PPFIA2: variants seen among roughly 807,000 people sequenced by gnomAD.
PPFIA2 encodes the protein PPFI scaffold protein A2.
A neutral mutation model predicts 175.5 loss-of-function variants in PPFIA2; 46 were observed. The observed-to-expected ratio is 0.26, with a 90% CI of 0.21 to 0.34. The LOEUF (loss-of-function observed/expected upper bound fraction) is 0.34. PPFIA2 is among the 10% of genes least tolerant of loss of function. The probability of loss-of-function intolerance (pLI) is 1.00; values close to 1 mark genes in which losing one functional copy is unlikely to be tolerated. For synonymous variants in PPFIA2, 568 were observed against 511.4 expected (o/e 1.11, Z -1.49); for missense variants, 1,179 against 1,506.1 (o/e 0.78, Z 3.60).
intron 22 of PPFIA2, chr12:81,302,296 G>C (rs1206032999): frequency 3.6e-6 from 1 of 281,674 alleles, no homozygotes; most frequent in African/African-American, 2.3e-5. Context: ...GATTCTAGCT[G>C]ATCCCAAGAG....
chr12:81,281,463 T>A lies in PPFIA2; in HGVS notation c.3019-13A>T. 1 of 1,559,902 alleles carries A rather than the reference T, an allele frequency of 6.4e-7. No homozygotes were observed. The highest frequency in any genetic ancestry group is 8.8e-7 in the Non-Finnish European group (1 of 1,139,644). Reference sequence around the variant, plus strand: ...GAAAAACCGGACACTAGAATTGTTTTATAGCAGTCAAGTTTCTTAACCAAT... The same window carrying A: ...GAAAAACCGGACACTAGAATTGTTTAATAGCAGTCAAGTTTCTTAACCAAT... On this transcript the variant is annotated splice_polypyrimidine_tract_variant and intron_variant, in intron 26 of 32. Transcript: ENST00000549396.
At chr12:81,637,489 T>C (rs1197367613) in intron 4 of PPFIA2, among the ~76,000 whole-genome samples, 2 of 152,014 alleles carry the variant, frequency 1.3e-5, no homozygotes, top group African/African-American at 4.8e-5. Context: ...GATTCTTCCA[T>C]ACCTAACTCA....
At chr12:81,614,264 G>GA (rs1416324892) in intron 4 of PPFIA2, among the ~76,000 whole-genome samples, 1 of 152,054 alleles carries the variant, frequency 6.6e-6, no homozygotes, top group African/African-American at 2.4e-5. Context: ...CTAAAAAACA[G>GA]AAAGCAGATG....
At chr12:81,341,404 C>T (rs563831776) in intron 19 of PPFIA2, among the ~76,000 whole-genome samples, 196 bp from the exon 20 acceptor site, 1 of 150,968 alleles carries the variant, frequency 6.6e-6, no homozygotes, top group East Asian at 2.0e-4. Flanking sequence ...AAATTGGACA[C>T]ATTAAAATTA....
rs1378306610 is a variant in PPFIA2, at chr12:81,353,161, A to C, written c.1952T>G (p.Met651Arg). ...GGCATCCAATTGTTCCTGAAGCATC[A>C]TGGCTAGCGTCTGGGCATCGGAATG... ...SGHSDAQTLA[M>R]MLQEQLDAIN... Residue 651 changes from methionine to arginine, a missense_variant, in exon 17 of 33, where the codon ATG becomes AGG. Coordinates refer to ENST00000549396, the MANE Select transcript of PPFIA2 (RefSeq NM_003625.5). The C allele has an allele frequency of 1.2e-6, 2 of 1,613,762 alleles. No homozygotes were observed. The highest frequency in any genetic ancestry group is 2.7e-5 in the African/African-American group (2 of 74,942).
chr12:81,327,014 A>C (rs1324072769), intron 21 of PPFIA2, among the ~76,000 whole-genome samples: 1 of 152,098 alleles, frequency 6.6e-6, no homozygotes, highest in Non-Finnish European at 1.5e-5. Context: ...CTCTTTAGCA[A>C]AGTAAAATAT....
intron 28 of PPFIA2, among the ~76,000 whole-genome samples, chr12:81,269,175 G>T (rs2038328920): frequency 1.3e-5 from 2 of 151,692 alleles, no homozygotes; most frequent in East Asian, 3.9e-4. Context: ...CCCATTAAAA[G>T]TTGACAGAAT....
chr12:81,560,331 C>G (rs2069785893), intron 4 of PPFIA2, among the ~76,000 whole-genome samples: 1 of 151,658 alleles, frequency 6.6e-6, no homozygotes, highest in African/African-American at 2.4e-5. Context: ...AGAGAAAGAA[C>G]AAATCCTAAT....
intron 3 of PPFIA2, among the ~76,000 whole-genome samples, chr12:81,729,644 G>A (rs1260642975): frequency 6.6e-6 from 1 of 151,496 alleles, no homozygotes; most frequent in Non-Finnish European, 1.5e-5. Context: ...TAAGGTTACG[G>A]AATTTAAAAT....
intron 6 of PPFIA2, among the ~76,000 whole-genome samples, chr12:81,444,563 A>C (rs1179838950): frequency 6.6e-6 from 1 of 152,156 alleles, no homozygotes; most frequent in Non-Finnish European, 1.5e-5. Flanking sequence ...CTAAAATAAA[A>C]ATGAGATACA....
intron 4 of PPFIA2, chr12:81,535,593 G>A (rs2065256811): frequency 2.7e-6 from 1 of 374,230 alleles, no homozygotes; most frequent in Non-Finnish European, 5.3e-6. Context: ...GGCAAGGGAG[G>A]AAGGAAAAAA....
chr12:81,619,814 A>C (rs1377656478), intron 4 of PPFIA2, among the ~76,000 whole-genome samples: 1 of 152,154 alleles, frequency 6.6e-6, no homozygotes, highest in Admixed American at 6.5e-5. Context: ...CACGATACTA[A>C]ATATTCACAA....
intron 3 of PPFIA2, among the ~76,000 whole-genome samples, chr12:81,744,532 C>A (rs2082786802): frequency 6.6e-6 from 1 of 151,418 alleles, no homozygotes. Flanking sequence ...AAGCGATTCT[C>A]CTGCTTCAGT....
At chr12:81,416,975 A>G in intron 7 of PPFIA2, among the ~76,000 whole-genome samples, 1 of 151,922 alleles carries the variant, frequency 6.6e-6, no homozygotes, top group Middle Eastern at 3.4e-3. Context: ...ATTTTTAAAT[A>G]AAATGAAATG....
chr12:81,571,879 A>G (rs2072612219), intron 4 of PPFIA2, among the ~76,000 whole-genome samples: 1 of 152,110 alleles, frequency 6.6e-6, no homozygotes, highest in South Asian at 2.1e-4. Flanking sequence ...AATAAAAGAG[A>G]AATCCAGTGT....
At chr12:81,577,500 A>G (rs1307712996) in intron 4 of PPFIA2, among the ~76,000 whole-genome samples, 2 of 151,946 alleles carry the variant, frequency 1.3e-5, no homozygotes, top group East Asian at 3.9e-4. Flanking sequence ...AAACAATTCA[A>G]AGAAGAGGAG....
intron 4 of PPFIA2, chr12:81,598,269 G>GT (rs1367417318): frequency 3.2e-6 from 4 of 1,257,102 alleles, no homozygotes; most frequent in Non-Finnish European, 4.0e-6. Context: ...AACATACAAT[G>GT]TTTTTTAAAA....
At chr12:81,442,848 C>CATATATATATATAT (rs35192542) in intron 6 of PPFIA2, among the ~76,000 whole-genome samples, 1 of 14,096 alleles carries the variant, frequency 7.1e-5, no homozygotes, top group South Asian at 2.7e-3. Flanking sequence ...TTTCTGACTT[C>CATATATATATATAT]ATATATATAT....
chr12:81,428,737 C>G (rs1015058558), intron 7 of PPFIA2, among the ~76,000 whole-genome samples: 1 of 151,870 alleles, frequency 6.6e-6, no homozygotes, highest in Non-Finnish European at 1.5e-5. Context: ...TTCAACTTTT[C>G]TAGGAAATTA....
Sources: gnomAD v4.1 joint callset for allele counts (sites outside exome capture counted in the v4.1 genomes callset) on GRCh38, gnomAD v4.1.1 for gene constraint, MANE v1.5 for transcripts, NCBI Gene and HGNC (gene_info 2026-07-23, HGNC 2026-07-21) for gene names.